Variants in NOVA1 observed in about 807,000 individuals in gnomAD.
NOVA1 encodes the protein RNA-binding protein Nova-1.
NOVA1 carries 7 observed loss-of-function variants against 38.0 expected under a neutral mutation model. That is an observed-to-expected ratio of 0.18 (90% CI 0.10 to 0.35). The LOEUF (loss-of-function observed/expected upper bound fraction) is 0.35. Among genes scored for constraint, NOVA1 ranks in the 10% least tolerant of loss-of-function variants. The pLI, the probability that NOVA1 is intolerant of heterozygous loss-of-function variation, is 1.00. For synonymous variants in NOVA1, 270 were observed against 232.5 expected, an observed-to-expected ratio of 1.16 and a Z score of -1.47; for missense variants, 460 against 616.0, an observed-to-expected ratio of 0.75 and a Z score of 2.68.
chr14:26,519,622 T>C (rs930293480), intron 2 of NOVA1: 7 of 152,158 alleles, frequency 4.6e-5, no homozygotes, highest in African/African-American at 1.7e-4. Context: ...TAAGTAACTC[T>C]TGAAATGATA....
intron 2 of NOVA1, among the ~76,000 whole-genome samples, chr14:26,531,657 C>A (rs1012880068): frequency 2.6e-5 from 4 of 152,098 alleles, no homozygotes; most frequent in Non-Finnish European, 4.4e-5. Flanking sequence ...CTGACATTTG[C>A]AAGCATTTCT....
At chr14:26,475,033 T>C (rs1884872059) in intron 3 of NOVA1, among the ~76,000 whole-genome samples, 1 of 152,066 alleles carries the variant, frequency 6.6e-6, no homozygotes, top group Non-Finnish European at 1.5e-5. Context: ...AAAGTAATAC[T>C]TGTAAAAGAT....
At chr14:26,542,411 A>G (rs1484386681) in intron 2 of NOVA1, among the ~76,000 whole-genome samples, 2 of 151,836 alleles carry the variant, frequency 1.3e-5, no homozygotes, top group Non-Finnish European at 3.0e-5. Flanking sequence ...ACTTTTGACT[A>G]AATTTCAGTA....
intron 2 of NOVA1, among the ~76,000 whole-genome samples, chr14:26,539,738 TTAAC>T (rs144335689): frequency 0.041 from 6,283 of 152,170 alleles, 186 homozygotes; most frequent in South Asian, 0.097. Context: ...CTCAAATAAT[TTAAC>T]TAAACATTTC....
At chr14:26,524,097 A>G (rs914442328) in intron 2 of NOVA1, among the ~76,000 whole-genome samples, 1 of 152,138 alleles carries the variant, frequency 6.6e-6, no homozygotes, top group South Asian at 2.1e-4. Flanking sequence ...GCTGGGCAAA[A>G]TCAGGCAGTG....
chr14:26,578,984 T>C (rs949643846), intron 2 of NOVA1, among the ~76,000 whole-genome samples: 3 of 151,794 alleles, frequency 2.0e-5, no homozygotes, highest in South Asian at 2.1e-4. Context: ...TTAATCATTC[T>C]GGAATTAAAT....
In NOVA1 at chr14:26,597,350, C is replaced by A. The variant is rs1357413597; in HGVS notation, c.87G>T (p.Pro29=). 5.5e-6 allele frequency: 7 copies of A among 1,268,634 alleles called. No homozygotes were observed. The highest frequency in any genetic ancestry group is 4.0e-5 in the Admixed American group (1 of 24,890). 78.6% of individuals were successfully genotyped at this position (1,268,634 alleles called of 1,614,324 possible). A position where few individuals can be genotyped will look rare whatever the true frequency, so the allele number is the denominator to read the frequency against. ...DLDPPDSRKR[P]LEAPPEAGST... ...TGCCGGCTTCAGGGGGGGCTTCCAG[C>A]GGCCTTTTCCGCGAGTCCGGCGGGT... The change falls in exon 1 of 5, where the codon CCG becomes CCT. Residue 29 remains proline, a synonymous_variant. Coordinates refer to ENST00000539517, the MANE Select transcript of NOVA1 (RefSeq NM_002515.3).
Position 26,447,064 on chromosome 14 carries a change from T to C in NOVA1, c.*895A>G, listed in dbSNP as rs1882138453. 6.5e-6 allele frequency: 1 copy of C among 152,678 alleles called. No homozygotes were observed. Among genetic ancestry groups the C allele is most frequent in the Non-Finnish European group, 1.5e-5 (1 of 68,044 alleles). 9.5% of individuals were successfully genotyped at this position (152,678 alleles called of 1,614,324 possible). ...AACATACTTATCAAGCAGTTGCAGATAATGAAACATTATCAGCTATCAATA... is the reference window on the plus strand; with the variant it reads ...AACATACTTATCAAGCAGTTGCAGACAATGAAACATTATCAGCTATCAATA... On this transcript the variant is annotated 3_prime_UTR_variant, in exon 5 of 5. Transcript: ENST00000539517.
intron 2 of NOVA1, 117 bp downstream of exon 2, chr14:26,595,293 T>C (rs1894118381): frequency 1.0e-6 from 1 of 961,114 alleles, no homozygotes. Context: ...TATAAAGCAA[T>C]ATCTAAATAA....
chr14:26,549,816 T>C (rs577289069), intron 2 of NOVA1: 2 of 1,145,624 alleles, frequency 1.7e-6, no homozygotes, highest in African/African-American at 3.2e-5. Flanking sequence ...AGTTGCTGCG[T>C]TCCACCTCAG....
At chr14:26,505,542 C>CA (rs1257990578) in intron 2 of NOVA1, among the ~76,000 whole-genome samples, 2 of 152,124 alleles carry the variant, frequency 1.3e-5, no homozygotes, top group Non-Finnish European at 2.9e-5. Context: ...ATAAATTACC[C>CA]AGTCTCAGGT....
chr14:26,559,348 T>G (rs1340799332), intron 2 of NOVA1, among the ~76,000 whole-genome samples: 2 of 152,108 alleles, frequency 1.3e-5, no homozygotes, highest in Non-Finnish European at 1.5e-5. Flanking sequence ...TGAATACTGG[T>G]TAGTATAATT....
chr14:26,530,271 C>T lies in NOVA1; in HGVS notation c.281-50128G>A, dbSNP rs117097319. Among the ~76,000 whole-genome samples, 113 of 152,198 alleles carry T rather than the reference C, an allele frequency of 7.4e-4. No homozygotes were observed. In the East Asian group the frequency reaches 0.019, roughly 26 times the overall value. On this transcript the variant is annotated intron_variant, in intron 2 of 4. Coordinates refer to ENST00000539517, the MANE Select transcript of NOVA1 (RefSeq NM_002515.3). The stretch of plus-strand genomic sequence containing the variant: ...TGATTCTGTCAGTTAGGCTTGGCCT[C>T]GCACTTGTCTACCTGCTGCATGCTT...
At chr14:26,555,846 A>G (rs1670973674) in intron 2 of NOVA1, among the ~76,000 whole-genome samples, 1 of 152,156 alleles carries the variant, frequency 6.6e-6, no homozygotes. Context: ...TCACACAATT[A>G]TTGGGGCTAG....
At chr14:26,561,110 T>C (rs556966284) in intron 2 of NOVA1, among the ~76,000 whole-genome samples, 35 of 152,150 alleles carry the variant, frequency 2.3e-4, no homozygotes, top group Middle Eastern at 6.8e-3. Flanking sequence ...TTCCGTCCTA[T>C]GAGATTCTAA....
chr14:26,595,276 A>G, intron 2 of NOVA1, 134 bp downstream of exon 2: 1 of 812,026 alleles, frequency 1.2e-6, no homozygotes, highest in Non-Finnish European at 1.9e-6. Context: ...TTTCCACAAT[A>G]TATTCCTATA....
intron 2 of NOVA1, among the ~76,000 whole-genome samples, chr14:26,577,293 A>G (rs568834588): frequency 1.3e-5 from 2 of 152,262 alleles, no homozygotes; most frequent in South Asian, 2.1e-4. Context: ...TAATGGATAT[A>G]TCGATACTGA....
At chr14:26,461,224 T>C (rs1883637010) in intron 4 of NOVA1, among the ~76,000 whole-genome samples, 1 of 152,190 alleles carries the variant, frequency 6.6e-6, no homozygotes, top group Non-Finnish European at 1.5e-5. Flanking sequence ...AAAAAAGGAA[T>C]GTTACAGAGC....
At chr14:26,594,850 A>T (rs996470764) in intron 2 of NOVA1, among the ~76,000 whole-genome samples, 2 of 152,128 alleles carry the variant, frequency 1.3e-5, no homozygotes, top group Non-Finnish European at 2.9e-5. Flanking sequence ...TACTTCTTGC[A>T]TAACAGTATA....
Sources: allele counts gnomAD v4.1 joint callset (sites outside exome capture counted in the v4.1 genomes callset), GRCh38; gene constraint gnomAD v4.1.1; transcripts MANE v1.5; gene names NCBI Gene and HGNC (gene_info 2026-07-23, HGNC 2026-07-21).